FCHSD1: variants seen among roughly 807,000 people sequenced by gnomAD.
FCHSD1 encodes the protein F-BAR and double SH3 domains protein 1.
A neutral mutation model predicts 101.3 loss-of-function variants in FCHSD1; 109 were observed. The observed-to-expected ratio is 1.08, with a 90% confidence interval of 0.92 to 1.26. The LOEUF (loss-of-function observed/expected upper bound fraction) is 1.26. Among genes scored for constraint, FCHSD1 ranks in the 50% most tolerant of loss-of-function variants. The pLI is 0.00. For synonymous variants in FCHSD1, 291 were observed against 356.8 expected, an observed-to-expected ratio of 0.82 and a Z score of 2.08; for missense variants, 820 against 895.8, an observed-to-expected ratio of 0.92 and a Z score of 1.08.
At chr5:141,644,164 TGGGA>T in intron 17 of FCHSD1, 50 bp downstream of exon 17, 1 of 1,493,180 alleles carries the variant, frequency 6.7e-7, no homozygotes, top group Non-Finnish European at 9.1e-7. Flanking sequence ...TTTATTGGGG[TGGGA>T]GGGTCAACCC....
Position 141,646,762 on chromosome 5 carries a change from T to G in FCHSD1, c.925-40A>C, listed in dbSNP as rs750287792. The G allele has an allele frequency of 3.1e-6, 5 of 1,600,268 alleles. No homozygotes were observed. In the East Asian group the frequency reaches 6.7e-5, roughly 22 times the overall value. Reference sequence around the variant, plus strand: ...GGGTGCTGTGAGGAGGACCTGAGGCTGCTCCTTCTCTCCAGTTCCCTCCTT... The same window carrying G: ...GGGTGCTGTGAGGAGGACCTGAGGCGGCTCCTTCTCTCCAGTTCCCTCCTT... On this transcript the variant is annotated intron_variant, in intron 10 of 19. Coordinates refer to ENST00000435817, the MANE Select transcript of FCHSD1 (RefSeq NM_033449.3).
At position 141,640,047 on chromosome 5, in the gene FCHSD1, C is replaced by A; in HGVS notation, c.*1451G>T. The A allele has an allele frequency of 6.2e-7, 1 of 1,613,420 alleles. No homozygotes were observed. The highest frequency in any genetic ancestry group is 8.5e-7 in the Non-Finnish European group (1 of 1,179,738). On this transcript the variant is annotated 3_prime_UTR_variant, in exon 20 of 20. Coordinates refer to ENST00000435817, the MANE Select transcript of FCHSD1 (RefSeq NM_033449.3). ...GGGTGGTCAGGGGTCTGGGGGAGGGCAGCCCAAGGCAGGGATGCCTGCCAT... is the reference window on the plus strand; with the variant it reads ...GGGTGGTCAGGGGTCTGGGGGAGGGAAGCCCAAGGCAGGGATGCCTGCCAT...
At chr5:141,648,231 G>T in intron 7 of FCHSD1, 135 bp from the exon 8 acceptor site, 1 of 1,102,480 alleles carries the variant, frequency 9.1e-7, no homozygotes, top group Non-Finnish European at 1.3e-6. Context: ...CACTAAAAAT[G>T]TTGCATACAC....
At chr5:141,642,363 G>A in intron 18 of FCHSD1, 1 of 681,572 alleles carries the variant, frequency 1.5e-6, no homozygotes, top group South Asian at 1.6e-5. Flanking sequence ...GGCAAAGGTA[G>A]GAGTAGAGGC....
chr5:141,644,566 T>C lies in FCHSD1; in HGVS notation c.1642+7A>G. On this transcript the variant is annotated splice_region_variant and intron_variant, in intron 16 of 19. Transcript: ENST00000435817. ...GGGTCCTCTAACCCAAAATTTCCCT[T>C]TCTTACCTGTGGGCTCTGCCCCGCA... 1 of 1,613,676 alleles carries C rather than the reference T, an allele frequency of 6.2e-7. No homozygotes were observed. The highest frequency in any genetic ancestry group is 8.5e-7 in the Non-Finnish European group (1 of 1,179,680).
chr5:141,644,069 T>A, intron 17 of FCHSD1, 149 bp downstream of exon 17: 1 of 764,344 alleles, frequency 1.3e-6, no homozygotes, highest in South Asian at 2.0e-5. Context: ...CCCTTTTCCC[T>A]GCCCCCCCAT....
Position 141,639,437 on chromosome 5 carries a change from C to G in FCHSD1, c.*2061G>C. ...CATGAAGGGAAATGGAAATGTTACC[C>G]TCACTCCCCTCCTCCCTGCTGTCCA... On this transcript the variant is annotated 3_prime_UTR_variant, in exon 20 of 20. Transcript: ENST00000435817. The surrounding 1 kb of genome is among the most constrained non-coding windows in gnomAD (Gnocchi z 4.4). 6.4e-7 allele frequency: 1 copy of G among 1,561,938 alleles called. No homozygotes were observed. Among genetic ancestry groups the G allele is most frequent in the Non-Finnish European group, 8.7e-7 (1 of 1,146,678 alleles).
At chr5:141,642,247 A>G (rs941196119) in intron 18 of FCHSD1, 1 of 553,406 alleles carries the variant, frequency 1.8e-6, no homozygotes, top group South Asian at 2.3e-5. Flanking sequence ...ACTAACTCAG[A>G]AACAGAAAAC....
chr5:141,648,696 A>G (rs1301969025), intron 7 of FCHSD1, among the ~76,000 whole-genome samples: 1 of 152,256 alleles, frequency 6.6e-6, no homozygotes, highest in Non-Finnish European at 1.5e-5. Context: ...CACTGTATCC[A>G]TAATGTCTAG....
rs1229504838 is a variant in FCHSD1, at chr5:141,640,461, C to T, written c.*1037G>A. ...AGTATGTGAGGTGAGTCTGCCTGAGCCCTAAATGAGGTAATCTCATCTTCC... is the reference window on the plus strand; with the variant it reads ...AGTATGTGAGGTGAGTCTGCCTGAGTCCTAAATGAGGTAATCTCATCTTCC... On this transcript the variant is annotated 3_prime_UTR_variant, in exon 20 of 20. Transcript: ENST00000435817. 1 of 1,614,056 alleles carries T rather than the reference C, an allele frequency of 6.2e-7. No homozygotes were observed. The highest frequency in any genetic ancestry group is 1.1e-5 in the South Asian group (1 of 91,082).
chr5:141,650,381 GCTGCCCT>G lies in FCHSD1; in HGVS notation c.136_142del (p.Arg46ProfsTer18), dbSNP rs752377848. The G allele has an allele frequency of 1.9e-6, 3 of 1,613,934 alleles. No individual in the cohort carries two copies. In the South Asian group the frequency reaches 3.3e-5, roughly 18 times the overall value. On this transcript the variant is annotated frameshift_variant, in exon 3 of 20. Coordinates refer to ENST00000435817, the MANE Select transcript of FCHSD1 (RefSeq NM_033449.3). LOFTEE classifies it high-confidence loss of function. ...TACCTGCCCATACTCCCGTTCAATG[GCTGCCCT>G]CTGCTTGCTGTAGGATCTGCGGAGA...
chr5:141,650,909 T>G, intron 2 of FCHSD1, 111 bp downstream of exon 2: 1 of 1,036,888 alleles, frequency 9.6e-7, no homozygotes. Flanking sequence ...TGTGGATGGG[T>G]CGGCTGGGGA....
In FCHSD1 at chr5:141,645,670, T is replaced by C. The variant is rs1322280559; in HGVS notation, c.1311+101A>G. ...TTCACTTAAGCCTCGTAATAACCCT[T>C]TGAGTTAGGCACAACTGTGATTCCA... On this transcript the variant is annotated intron_variant, in intron 13 of 19. Coordinates refer to ENST00000435817, the MANE Select transcript of FCHSD1 (RefSeq NM_033449.3). The C allele has an allele frequency of 6.5e-6, 9 of 1,374,400 alleles. No homozygotes were observed. The East Asian group carries it at 2.2e-4, about 34-fold the overall frequency. The allele number at this position is 1,374,400 out of a possible 1,614,324, so 85.1% of individuals were successfully genotyped here.
At position 141,649,721 on chromosome 5, in the gene FCHSD1, A is replaced by C. The variant is rs2154598498; in HGVS notation, c.233+166T>G. Among the ~76,000 whole-genome samples the C allele has an allele frequency of 6.6e-6, 1 of 150,746 alleles. No homozygotes were observed. Among genetic ancestry groups the C allele is most frequent in the South Asian group, 2.1e-4 (1 of 4,750 alleles). ...AAGCCTCACTCCTGCCCTCCACCCC[A>C]CCCACAGTGTCCTTGCTGGGTCAGC... On this transcript the variant is annotated intron_variant, in intron 4 of 19. Transcript: ENST00000435817. The surrounding 1 kb of genome is among the most constrained non-coding windows in gnomAD (Gnocchi z 4.1).
chr5:141,647,948 G>T lies in FCHSD1; in HGVS notation c.705+20C>A. The stretch of plus-strand genomic sequence containing the variant: ...TTTCCCTCCCTGCTGAGGGATAGGG[G>T]TGTCTGGGTTAAAACTGGCCTTGAG... On this transcript the variant is annotated intron_variant, in intron 8 of 19. Transcript: ENST00000435817. The T allele has an allele frequency of 1.2e-6, 2 of 1,611,038 alleles. No individual in the cohort carries two copies. Among genetic ancestry groups the T allele is most frequent in the Non-Finnish European group, 1.7e-6 (2 of 1,178,668 alleles).
intron 17 of FCHSD1, 100 bp from the exon 18 acceptor site, chr5:141,643,188 A>G: frequency 1.1e-6 from 1 of 933,098 alleles, no homozygotes; most frequent in South Asian, 2.0e-5. Flanking sequence ...TCACTTCTCA[A>G]TACAGGAAGT....
rs1438552351 is a variant in FCHSD1, at chr5:141,649,091, T to A, written c.513-71A>T. 1.2e-6 allele frequency: 2 copies of A among 1,613,720 alleles called. No individual in the cohort carries two copies. The highest frequency in any genetic ancestry group is 2.7e-5 in the African/African-American group (2 of 74,900). The stretch of plus-strand genomic sequence containing the variant: ...ATATGAGATCAGAGTCAGGCCCAGC[T>A]TTGGTGACTTGGCTCCACCCCTAGA... On this transcript the variant is annotated intron_variant, in intron 6 of 19. Coordinates refer to ENST00000435817, the MANE Select transcript of FCHSD1 (RefSeq NM_033449.3). This position sits in a 1 kb window ranked among gnomAD's most constrained non-coding sequence, Gnocchi z 4.1.
chr5:141,646,230 C>T, intron 11 of FCHSD1, 39 bp from the exon 12 acceptor site: 1 of 1,530,948 alleles, frequency 6.5e-7, no homozygotes, highest in Non-Finnish European at 8.9e-7. Context: ...GGTGGAAATA[C>T]TGTGGGGCAT....
chr5:141,642,378 G>T (rs1346587218), intron 18 of FCHSD1: 1 of 688,948 alleles, frequency 1.5e-6, no homozygotes, highest in African/African-American at 1.8e-5. Flanking sequence ...AGAGGCAGGG[G>T]CGAGGGTTGA....
Sources: gnomAD v4.1 joint callset for allele counts (sites outside exome capture counted in the v4.1 genomes callset) on GRCh38, gnomAD v4.1.1 for gene constraint, Gnocchi (gnomAD v3.1) non-coding constraint, MANE v1.5 for transcripts, NCBI Gene and HGNC (gene_info 2026-07-23, HGNC 2026-07-21) for gene names.